The following GALNT7 variants were observed in gnomAD, a reference collection of about 807,000 sequenced individuals.
The protein encoded by GALNT7 is polypeptide N-acetylgalactosaminyltransferase 7, also known as N-acetylgalactosaminyltransferase 7.
Under a neutral mutation model 82.1 loss-of-function variants are expected in GALNT7, and 60 were observed. The ratio of observed to expected loss-of-function variants is 0.73; its 90% CI spans 0.59 to 0.91. GALNT7 has a LOEUF of 0.91. GALNT7 is among the 40% of genes least tolerant of loss of function. The pLI is 0.00. For missense variants in GALNT7, 660 were observed against 804.2 expected (o/e 0.82, Z 2.17); for synonymous variants, 243 against 275.1 (o/e 0.88, Z 1.15).
intron 2 of GALNT7, among the ~76,000 whole-genome samples, chr4:173,266,928 G>GTGTGT (rs1735522720): frequency 8.1e-6 from 1 of 123,440 alleles, no homozygotes; most frequent in African/African-American, 3.1e-5. Context: ...TGTGTGTGTG[G>GTGTGT]AGGGCTGGGA....
chr4:173,214,923 C>T (rs935336859), intron 1 of GALNT7, among the ~76,000 whole-genome samples: 1 of 152,070 alleles, frequency 6.6e-6, no homozygotes, highest in African/African-American at 2.4e-5. Context: ...AGCCTACGGT[C>T]GTGCTTCAGG....
chr4:173,170,811 C>T (rs1431670093), intron 1 of GALNT7, among the ~76,000 whole-genome samples: 1 of 152,136 alleles, frequency 6.6e-6, no homozygotes, highest in East Asian at 1.9e-4. Flanking sequence ...TCAGAATGTC[C>T]CGCCCTTCTG....
At chr4:173,300,219 TGTAGTC>T (rs1736869683) in intron 6 of GALNT7, among the ~76,000 whole-genome samples, 1 of 152,178 alleles carries the variant, frequency 6.6e-6, no homozygotes. Context: ...GGCACGTGCC[TGTAGTC>T]CCAGCAACTC....
At chr4:173,224,584 T>G (rs931365238) in intron 1 of GALNT7, among the ~76,000 whole-genome samples, 1 of 152,206 alleles carries the variant, frequency 6.6e-6, no homozygotes, top group African/African-American at 2.4e-5. Flanking sequence ...AAAAATTATA[T>G]TTGTATATCA....
chr4:173,242,084 T>A (rs930510976), intron 1 of GALNT7, among the ~76,000 whole-genome samples: 1 of 152,248 alleles, frequency 6.6e-6, no homozygotes, highest in African/African-American at 2.4e-5. Context: ...TGCTTAAGTT[T>A]AATATACAGT....
intron 6 of GALNT7, 125 bp from the exon 7 acceptor site, chr4:173,301,922 G>A (rs985160216): frequency 3.4e-6 from 2 of 594,718 alleles, no homozygotes; most frequent in African/African-American, 1.9e-5. Flanking sequence ...ATTTCTTAAT[G>A]TTTGGCCATC....
intron 2 of GALNT7, among the ~76,000 whole-genome samples, chr4:173,281,623 C>A (rs1000571289): frequency 6.6e-6 from 1 of 152,188 alleles, no homozygotes; most frequent in African/African-American, 2.4e-5. Flanking sequence ...GTCTCTAGGT[C>A]TCCTGCCCAA....
In GALNT7 at chr4:173,168,943, C is replaced by T. The variant is rs1411042683; in HGVS notation, c.108C>T (p.Ser36=). The change falls in exon 1 of 12, where the codon AGC becomes AGT. Residue 36 remains serine, a synonymous_variant. Coordinates refer to ENST00000265000, the MANE Select transcript of GALNT7 (RefSeq NM_017423.3). The part of the protein sequence containing the change: ...SSLTPRPDDP[S]PLSRMREDRD... ...TGACCCCGCGGCCGGACGACCCAAG[C>T]CCGCTGAGCAGGATGAGGGTGAGTG... 1 of 1,613,660 alleles carries T rather than the reference C, an allele frequency of 6.2e-7. No individual in the cohort carries two copies. The highest frequency in any genetic ancestry group is 1.7e-5 in the Admixed American group (1 of 60,010).
intron 1 of GALNT7, among the ~76,000 whole-genome samples, chr4:173,174,899 A>G (rs1048999892): frequency 8.5e-5 from 13 of 152,346 alleles, no homozygotes; most frequent in Non-Finnish European, 1.6e-4. Flanking sequence ...GGCTGGTTGC[A>G]TGGGATGGGA....
chr4:173,283,939 C>T (rs1162711804), intron 2 of GALNT7, among the ~76,000 whole-genome samples: 3 of 152,194 alleles, frequency 2.0e-5, no homozygotes, highest in Non-Finnish European at 4.4e-5. Flanking sequence ...AGAAACCAGG[C>T]AGAGAGAAAC....
chr4:173,211,036 T>C (rs1733267904), intron 1 of GALNT7, among the ~76,000 whole-genome samples: 1 of 151,518 alleles, frequency 6.6e-6, no homozygotes, highest in African/African-American at 2.4e-5. Flanking sequence ...CTTACATTCT[T>C]TTTTTTTTCC....
At chr4:173,247,918 T>A in intron 1 of GALNT7, 62 bp from the exon 2 acceptor site, 3 of 1,084,902 alleles carry the variant, frequency 2.8e-6, no homozygotes, top group Non-Finnish European at 4.1e-6. Context: ...ATTGGTCTCA[T>A]GAGCTCTACT....
intron 2 of GALNT7, among the ~76,000 whole-genome samples, chr4:173,261,569 C>T (rs754366043): frequency 6.6e-5 from 10 of 152,160 alleles, no homozygotes; most frequent in Non-Finnish European, 1.5e-4. Context: ...GTAATCCCAG[C>T]ACTTTGGGAG....
intron 1 of GALNT7, among the ~76,000 whole-genome samples, chr4:173,244,666 A>G (rs1322669106): frequency 1.3e-5 from 2 of 152,202 alleles, no homozygotes; most frequent in Non-Finnish European, 2.9e-5. Flanking sequence ...CACAGTGTTT[A>G]CCATCATCAC....
At chr4:173,312,304 TG>T (rs1737415012) in intron 8 of GALNT7, among the ~76,000 whole-genome samples, 1 of 152,234 alleles carries the variant, frequency 6.6e-6, no homozygotes, top group Non-Finnish European at 1.5e-5. Context: ...AATTCAGGCT[TG>T]GGCAGCTACA....
intron 2 of GALNT7, among the ~76,000 whole-genome samples, chr4:173,259,281 C>T (rs899683096): frequency 6.6e-6 from 1 of 152,138 alleles, no homozygotes; most frequent in Non-Finnish European, 1.5e-5. Flanking sequence ...AGACTTTGTC[C>T]TAAGATGAAG....
At chr4:173,247,285 G>GA (rs1734676898) in intron 1 of GALNT7, among the ~76,000 whole-genome samples, 1 of 151,308 alleles carries the variant, frequency 6.6e-6, no homozygotes, top group Non-Finnish European at 1.5e-5. Context: ...CCTTTACTGT[G>GA]AATGAATATC....
At chr4:173,317,822 C>A in intron 10 of GALNT7, 90 bp downstream of exon 10, 2 of 782,562 alleles carry the variant, frequency 2.6e-6, no homozygotes, top group Non-Finnish European at 4.3e-6. Flanking sequence ...CTTTGGTTTT[C>A]GATTTGGTAA....
At chr4:173,268,402 AC>A (rs1319385156) in intron 2 of GALNT7, among the ~76,000 whole-genome samples, 1 of 152,024 alleles carries the variant, frequency 6.6e-6, no homozygotes, top group African/African-American at 2.4e-5. Flanking sequence ...TGCTTAGGAT[AC>A]CAGGTAGCAC....
Sources: gnomAD v4.1 joint callset for allele counts (sites outside exome capture counted in the v4.1 genomes callset) on GRCh38, gnomAD v4.1.1 for gene constraint, MANE v1.5 for transcripts, NCBI Gene and HGNC (gene_info 2026-07-23, HGNC 2026-07-21) for gene names.